Variants in ADAM20 observed in about 807,000 individuals in gnomAD.
The protein encoded by ADAM20 is ADAM metallopeptidase domain 20, also known as disintegrin and metalloproteinase domain-containing protein 20.
For missense variants in ADAM20, 871 were observed against 883.2 expected, an observed-to-expected ratio of 0.99 and a Z score of 0.18; for synonymous variants, 305 against 310.2, an observed-to-expected ratio of 0.98 and a Z score of 0.18.
chr14:70,570,331 A>C, the ADAM20 span, among the ~76,000 whole-genome samples: 1 of 152,162 alleles, frequency 6.6e-6, no homozygotes, highest in Non-Finnish European at 1.5e-5. Flanking sequence ...CAAAGCATCA[A>C]CAAAATGAAA....
intron 1 of ADAM20, among the ~76,000 whole-genome samples, 163 bp downstream of exon 1, chr14:70,534,634 A>G (rs2139543079): frequency 6.6e-6 from 1 of 152,310 alleles, no homozygotes; most frequent in Non-Finnish European, 1.5e-5. Flanking sequence ...GAAGAAAAAA[A>G]ATAGAATGTT....
chr14:70,567,662 G>A, the ADAM20 span, among the ~76,000 whole-genome samples: 3 of 151,880 alleles, frequency 2.0e-5, no homozygotes, highest in Non-Finnish European at 4.4e-5. Context: ...GGCCTAACTC[G>A]CCCTCCCTAC....
rs756980185 is a variant in ADAM20 at position 70,524,165 on chromosome 14, G to A, written c.593C>T (p.Ser198Phe). The change falls in exon 2 of 2, where the codon TCT becomes TTT. Residue 198 changes from serine to phenylalanine, a missense_variant. By Grantham distance (155) the Ser-to-Phe change is radical (BLOSUM62 -2). Transcript: ENST00000256389. ...CTGATGGGTCCACCAGCCCACAAAAGAACTTTGCTTCAGAGTGAAATTATA... is the reference window on the plus strand; with the variant it reads ...CTGATGGGTCCACCAGCCCACAAAAAAACTTTGCTTCAGAGTGAAATTATA... ...LSYNFTLKQS[S>F]FVGWWTHQRF... The A allele has an allele frequency of 6.2e-7, 1 of 1,613,776 alleles. No individual in the cohort carries two copies. Among genetic ancestry groups the A allele is most frequent in the Non-Finnish European group, 8.5e-7 (1 of 1,179,876 alleles).
chr14:70,534,101 A>C (rs1204273242), intron 1 of ADAM20, among the ~76,000 whole-genome samples: 34 of 149,542 alleles, frequency 2.3e-4, no homozygotes, highest in Admixed American at 1.9e-3. Context: ...AAAAAAAAAA[A>C]AAAAAAACAC....
chr14:70,533,373 G>T (rs975667683), intron 1 of ADAM20, among the ~76,000 whole-genome samples: 2 of 152,134 alleles, frequency 1.3e-5, no homozygotes, highest in African/African-American at 4.8e-5. Flanking sequence ...ACGATAGACT[G>T]GATAAAGAAA....
the ADAM20 span, among the ~76,000 whole-genome samples, chr14:70,565,626 A>G: frequency 3.9e-5 from 6 of 152,224 alleles, no homozygotes; most frequent in African/African-American, 1.4e-4. Context: ...AGCCCTTCAT[A>G]TCGACATGTT....
At chr14:70,530,053 C>A (rs373754505) in intron 1 of ADAM20, among the ~76,000 whole-genome samples, 1 of 152,060 alleles carries the variant, frequency 6.6e-6, no homozygotes, top group Admixed American at 6.5e-5. Context: ...GAGGCCAAGG[C>A]GGGTGGATCA....
the ADAM20 span, among the ~76,000 whole-genome samples, chr14:70,577,989 C>T: frequency 2.6e-5 from 4 of 152,046 alleles, no homozygotes; most frequent in Admixed American, 1.3e-4. Flanking sequence ...TCTTGGATGA[C>T]ACCAAAAGCA....
chr14:70,561,200 G>C, the ADAM20 span, among the ~76,000 whole-genome samples: 17 of 152,366 alleles, frequency 1.1e-4, no homozygotes, highest in African/African-American at 3.6e-4. Context: ...CTTTAGCAAA[G>C]ACACTGGTGG....
In ADAM20 at chr14:70,522,800, T is replaced by C. The variant is rs1327125797; in HGVS notation, c.1958A>G (p.His653Arg). ...TGGGGGTGCCCATTCATGGTTGCAGTGACAGTGTTGTTTGTTGTTGCAGAT... is the reference window on the plus strand; with the variant it reads ...TGGGGGTGCCCATTCATGGTTGCAGCGACAGTGTTGTTTGTTGTTGCAGAT... Reference protein sequence around the residue: ...RGICNNKQHCHCNHEWAPPYC... With the variant: ...RGICNNKQHCRCNHEWAPPYC... Residue 653 changes from histidine to arginine, a missense_variant, in exon 2 of 2, where the codon CAC (histidine) becomes CGC (arginine). Transcript: ENST00000256389. The C allele has an allele frequency of 1.9e-6, 3 of 1,613,946 alleles. No homozygotes were observed. The highest frequency in any genetic ancestry group is 2.5e-6 in the Non-Finnish European group (3 of 1,179,958).
At chr14:70,576,634 G>A in the ADAM20 span, among the ~76,000 whole-genome samples, 1 of 152,054 alleles carries the variant, frequency 6.6e-6, no homozygotes, top group East Asian at 1.9e-4. Flanking sequence ...ACAAGCAGAT[G>A]GCAATATCCG....
chr14:70,553,525 T>TTAA, the ADAM20 span, among the ~76,000 whole-genome samples: 6 of 57,010 alleles, frequency 1.1e-4, no homozygotes, highest in African/African-American at 3.6e-4. Flanking sequence ...GCAAAAATCC[T>TTAA]AAAAAAAAAA....
intron 1 of ADAM20, among the ~76,000 whole-genome samples, chr14:70,528,249 C>T (rs1423941869): frequency 6.6e-6 from 1 of 152,150 alleles, no homozygotes; most frequent in African/African-American, 2.4e-5. Flanking sequence ...TTAAAAGCAA[C>T]TGAATGATGA....
Position 70,523,909 on chromosome 14 carries a change from C to G in ADAM20, c.849G>C (p.Lys283Asn). 6.2e-7 allele frequency: 1 copy of G among 1,613,948 alleles called. No individual in the cohort carries two copies. The highest frequency in any genetic ancestry group is 2.2e-5 in the East Asian group (1 of 44,864). Reference sequence around the variant, plus strand: ...GTAGTCGATTATTAAGGTTATAATTCTTCCAAATAGAAAAGTCCTCTAAAA... The same window carrying G: ...GTAGTCGATTATTAAGGTTATAATTGTTCCAAATAGAAAAGTCCTCTAAAA... ...DNVLEDFSIW[K>N]NYNLNNRLQH... The change falls in exon 2 of 2, where the codon AAG becomes AAC. Residue 283 changes from lysine (K) to asparagine (N), a missense_variant. Lys to Asn is a moderately conservative substitution (Grantham distance 94). Coordinates refer to ENST00000256389, the MANE Select transcript of ADAM20 (RefSeq NM_003814.5).
At chr14:70,567,210 G>C in the ADAM20 span, among the ~76,000 whole-genome samples, 1 of 152,212 alleles carries the variant, frequency 6.6e-6, no homozygotes, top group Middle Eastern at 3.4e-3. Context: ...GATACCTAGT[G>C]GACCTCTGCC....
rs775320440 is a variant in ADAM20 at position 70,524,610 on chromosome 14, T to C, written c.148A>G (p.Ser50Gly). Residue 50 changes from serine (S) to glycine (G), a missense_variant, in exon 2 of 2, where the codon AGC becomes GGC. By Grantham distance (56) the Ser-to-Gly change is moderately conservative (BLOSUM62 0). Transcript: ENST00000256389. ...GGAGCCTTTGCACCTCTGCCCCTGC[T>C]GATCACCTTCAAAGGGATCACCACT... The part of the protein sequence containing the change: ...PEVVIPLKVI[S>G]RGRGAKAPGW... 6.8e-6 allele frequency: 11 copies of C among 1,614,042 alleles called. No individual in the cohort carries two copies. The highest frequency in any genetic ancestry group is 8.5e-6 in the Non-Finnish European group (10 of 1,179,958).
upstream of ADAM20, among the ~76,000 whole-genome samples, chr14:70,539,288 C>A (rs1883899057): frequency 6.6e-6 from 1 of 152,212 alleles, no homozygotes; most frequent in African/African-American, 2.4e-5. Flanking sequence ...GACGAGCCAA[C>A]AACGCGTGAT....
chr14:70,556,425 A>G, the ADAM20 span: 1 of 152,524 alleles, frequency 6.6e-6, no homozygotes, highest in Non-Finnish European at 1.5e-5. Flanking sequence ...TATCACGGTT[A>G]TATGGAGCCC....
the ADAM20 span, among the ~76,000 whole-genome samples, chr14:70,545,811 G>A: frequency 6.6e-6 from 1 of 152,124 alleles, no homozygotes; most frequent in Non-Finnish European, 1.5e-5. Flanking sequence ...AGATCTCCCA[G>A]GCAGAAAATA....
Sources: gnomAD v4.1 joint callset for allele counts (sites outside exome capture counted in the v4.1 genomes callset) on GRCh38, gnomAD v4.1.1 for gene constraint, MANE v1.5 for transcripts, NCBI Gene and HGNC (gene_info 2026-07-23, HGNC 2026-07-21) for gene names.